PACSIN1: variants seen among roughly 807,000 people sequenced by gnomAD.
PACSIN1 encodes the protein protein kinase C and casein kinase substrate in neurons 1, also known as protein kinase C and casein kinase substrate in neurons protein 1.
PACSIN1 carries 15 observed loss-of-function variants against 59.5 expected under a neutral mutation model. That is an observed-to-expected ratio of 0.25 (90% CI 0.17 to 0.39). The LOEUF (loss-of-function observed/expected upper bound fraction) is 0.39. PACSIN1 is among the 10% of genes least tolerant of loss of function. The pLI is 1.00. For missense variants in PACSIN1, 420 were observed against 580.2 expected (o/e 0.72, Z 2.84); for synonymous variants, 210 against 220.6 (o/e 0.95, Z 0.42).
chr6:34,503,712 C>T (rs188916810), intron 1 of PACSIN1, among the ~76,000 whole-genome samples: 12 of 152,270 alleles, frequency 7.9e-5, no homozygotes, highest in Admixed American at 2.6e-4. Context: ...ATTGCTCTCA[C>T]GGACTGTTGC....
intron 1 of PACSIN1, among the ~76,000 whole-genome samples, chr6:34,469,826 A>C (rs930432641): frequency 3.3e-5 from 5 of 152,204 alleles, no homozygotes; most frequent in African/African-American, 1.2e-4. Flanking sequence ...TGAAGGGACA[A>C]GATCAACCGG....
rs561024832 is a variant in PACSIN1 at position 34,524,004 on chromosome 6, C to A, written c.-63-2239C>A. 1.3e-5 allele frequency among the ~76,000 whole-genome samples: 2 copies of A among 152,206 alleles called. 1 individual carries two copies. The highest frequency in any genetic ancestry group is 2.9e-5 in the Non-Finnish European group (2 of 68,040). On this transcript the variant is annotated intron_variant, in intron 1 of 9. Transcript: ENST00000244458. ...CATTTCCCAGCAAGGCCCAGAGAGG[C>A]CTGCGAATTGCCCATGGTCACACAG... is the stretch of plus-strand genomic sequence containing the variant.
intron 1 of PACSIN1, 42 bp from the exon 2 acceptor site, chr6:34,526,201 G>T (rs1191455805): frequency 3.2e-6 from 3 of 932,292 alleles, no homozygotes; most frequent in Admixed American, 2.0e-5. Flanking sequence ...AGGGTGGAAG[G>T]CCCTTCCCTC....
chr6:34,527,323 G>C lies in PACSIN1; in HGVS notation c.64-9G>C, dbSNP rs1246929128. On this transcript the variant is annotated splice_polypyrimidine_tract_variant and intron_variant, in intron 2 of 9. Coordinates refer to ENST00000244458, the MANE Select transcript of PACSIN1 (RefSeq NM_020804.5). ...CCCGCGGGAGTGGTGCTCGCTGCTT[G>C]GCCGCCAGGTGGGGAACTACAAGCG... 4.5e-6 allele frequency: 7 copies of C among 1,558,004 alleles called. No individual in the cohort carries two copies. The highest frequency in any genetic ancestry group is 1.4e-5 in the African/African-American group (1 of 72,614).
At chr6:34,475,595 C>T (rs553170200) in intron 1 of PACSIN1, among the ~76,000 whole-genome samples, 1 of 152,264 alleles carries the variant, frequency 6.6e-6, no homozygotes, top group African/African-American at 2.4e-5. Context: ...AAGCTGCTCC[C>T]GGGGAAGGGC....
chr6:34,528,183 G>C (rs1488252190), intron 3 of PACSIN1, among the ~76,000 whole-genome samples: 1 of 152,242 alleles, frequency 6.6e-6, no homozygotes. Context: ...CACAGAGCTG[G>C]TGCCAGTACA....
intron 1 of PACSIN1, among the ~76,000 whole-genome samples, chr6:34,498,349 C>T (rs1410426813): frequency 2.0e-5 from 3 of 152,098 alleles, no homozygotes; most frequent in Admixed American, 6.5e-5. Context: ...CACGAGCCAC[C>T]GCGCCCGGCC....
Position 34,491,339 on chromosome 6 carries a change from AT to A in PACSIN1, c.-64+25071del, listed in dbSNP as rs1465590408. 2.0e-5 allele frequency among the ~76,000 whole-genome samples: 3 copies of A among 152,072 alleles called. No homozygotes were observed. In the East Asian group the frequency reaches 5.8e-4, roughly 29 times the overall value. On this transcript the variant is annotated intron_variant, in intron 1 of 9. Transcript: ENST00000244458. ...AATTACCACTCCCCCAGCCTCTCCA[AT>A]TCGGGAGCTCTTGTCCCTGCAGTGC...
At chr6:34,482,309 C>A (rs1433099628) in intron 1 of PACSIN1, among the ~76,000 whole-genome samples, 3 of 152,162 alleles carry the variant, frequency 2.0e-5, no homozygotes, top group Non-Finnish European at 4.4e-5. Context: ...TAGTCTTGAA[C>A]CCCTGACCTC....
chr6:34,516,085 G>A lies in PACSIN1; in HGVS notation c.-63-10158G>A, dbSNP rs187028897. ...TGCAAGGGGCAGAAGGTTGATGTGT[G>A]CAACTATGGGCGTGCTTAAGGTCCT... On this transcript the variant is annotated intron_variant, in intron 1 of 9. Transcript: ENST00000244458. This position sits in a 1 kb window ranked among gnomAD's most constrained non-coding sequence, Gnocchi z 5.4. 1.3e-5 allele frequency among the ~76,000 whole-genome samples: 2 copies of A among 152,278 alleles called. No homozygotes were observed. Among genetic ancestry groups the A allele is most frequent in the Admixed American group, 1.3e-4 (2 of 15,306 alleles).
intron 1 of PACSIN1, among the ~76,000 whole-genome samples, chr6:34,491,498 T>A (rs1012976400): frequency 6.6e-6 from 1 of 152,092 alleles, no homozygotes; most frequent in Non-Finnish European, 1.5e-5. Context: ...GTAGGTTAGG[T>A]TCTGACTTGG....
At chr6:34,486,762 T>C (rs1383138247) in intron 1 of PACSIN1, among the ~76,000 whole-genome samples, 2 of 149,806 alleles carry the variant, frequency 1.3e-5, no homozygotes, top group Non-Finnish European at 1.5e-5. Flanking sequence ...TCAGTTGCTC[T>C]GCGAGTTGGG....
intron 1 of PACSIN1, among the ~76,000 whole-genome samples, chr6:34,497,569 C>T (rs923130998): frequency 1.3e-5 from 2 of 152,166 alleles, no homozygotes; most frequent in Non-Finnish European, 1.5e-5. Flanking sequence ...CAAGGGTGTG[C>T]GTGCCCCAGC....
rs1766825776 is a variant in PACSIN1, at chr6:34,488,456, G to C, written c.-64+22186G>C. ...CTGAAGGGAAGTGGTGGCAGTTACA[G>C]CTGAAAGTTTAATGTGACTCTTGCT... On this transcript the variant is annotated intron_variant, in intron 1 of 9. Coordinates refer to ENST00000244458, the MANE Select transcript of PACSIN1 (RefSeq NM_020804.5). The surrounding 1 kb of genome is among the most constrained non-coding windows in gnomAD (Gnocchi z 4.7). Among the ~76,000 whole-genome samples the C allele has an allele frequency of 6.6e-6, 1 of 152,150 alleles. No individual in the cohort carries two copies. Among genetic ancestry groups the C allele is most frequent in the Non-Finnish European group, 1.5e-5 (1 of 68,022 alleles).
At chr6:34,491,550 A>G (rs954544418) in intron 1 of PACSIN1, among the ~76,000 whole-genome samples, 1 of 151,688 alleles carries the variant, frequency 6.6e-6, no homozygotes, top group African/African-American at 2.4e-5. Context: ...AGTGCCCCTT[A>G]GAACACCACG....
At position 34,518,678 on chromosome 6, in the gene PACSIN1, G is replaced by A. The variant is rs981498026; in HGVS notation, c.-63-7565G>A. On this transcript the variant is annotated intron_variant, in intron 1 of 9. Transcript: ENST00000244458. The surrounding 1 kb of genome is among the most constrained non-coding windows in gnomAD (Gnocchi z 4.4). Reference sequence around the variant, plus strand: ...GGGTTTTGAACACACCTTTGACTCAGTCCAGGAGGGCAGGGGAGCTGGGGT... The same window carrying A: ...GGGTTTTGAACACACCTTTGACTCAATCCAGGAGGGCAGGGGAGCTGGGGT... Among the ~76,000 whole-genome samples the A allele has an allele frequency of 1.3e-5, 2 of 152,252 alleles. No individual in the cohort carries two copies. The highest frequency in any genetic ancestry group is 4.8e-5 in the African/African-American group (2 of 41,468).
Position 34,530,739 on chromosome 6 carries a change from GT to G in PACSIN1, c.1037+153del, listed in dbSNP as rs1767579954. ...GGTAGTTCATCACTCTAAAGCAGCC[GT>G]CCCCAATCTTTTTGGGACCAGGGAC... On this transcript the variant is annotated intron_variant, in intron 8 of 9. Coordinates refer to ENST00000244458, the MANE Select transcript of PACSIN1 (RefSeq NM_020804.5). The surrounding 1 kb of genome is among the most constrained non-coding windows in gnomAD (Gnocchi z 4.4). 1 of 887,518 alleles carries G rather than the reference GT, an allele frequency of 1.1e-6. No individual in the cohort carries two copies. Among genetic ancestry groups the G allele is most frequent in the Non-Finnish European group, 1.5e-6 (1 of 655,282 alleles). 55.0% of individuals were successfully genotyped at this position (887,518 alleles called of 1,614,324 possible).
At chr6:34,495,105 C>A (rs1766929281) in intron 1 of PACSIN1, among the ~76,000 whole-genome samples, 2 of 152,152 alleles carry the variant, frequency 1.3e-5, no homozygotes, top group African/African-American at 4.8e-5. Flanking sequence ...TAATTCCTAC[C>A]CTCTCCTCCT....
Position 34,529,922 on chromosome 6 carries a change from C to A in PACSIN1, c.788+81C>A. The A allele has an allele frequency of 6.9e-7, 1 of 1,452,918 alleles. No homozygotes were observed. Among genetic ancestry groups the A allele is most frequent in the Non-Finnish European group, 9.4e-7 (1 of 1,064,494 alleles). 90.0% of individuals were successfully genotyped at this position (1,452,918 alleles called of 1,614,324 possible). Reference sequence around the variant, plus strand: ...TGGCATGCAGGGCATCCCAGCCCTCCATCACAGTGACGGGAAGGGGAGGCA... The same window carrying A: ...TGGCATGCAGGGCATCCCAGCCCTCAATCACAGTGACGGGAAGGGGAGGCA... On this transcript the variant is annotated intron_variant, in intron 6 of 9. Coordinates refer to ENST00000244458, the MANE Select transcript of PACSIN1 (RefSeq NM_020804.5). This position sits in a 1 kb window ranked among gnomAD's most constrained non-coding sequence, Gnocchi z 6.3.
Sources: allele counts gnomAD v4.1 joint callset (sites outside exome capture counted in the v4.1 genomes callset), GRCh38; gene constraint gnomAD v4.1.1; non-coding constraint Gnocchi (gnomAD v3.1); transcripts MANE v1.5; gene names NCBI Gene and HGNC (gene_info 2026-07-23, HGNC 2026-07-21).